FRAS1: variants seen among roughly 807,000 people sequenced by gnomAD.
FRAS1 encodes extracellular matrix organizing protein FRAS1.
A neutral mutation model predicts 435.2 loss-of-function variants in FRAS1; 290 were observed. The observed-to-expected ratio is 0.67, with a 90% confidence interval of 0.61 to 0.73. FRAS1 has a LOEUF of 0.73. Among genes scored for constraint, FRAS1 ranks in the 30% least tolerant of loss-of-function variants. The pLI, the probability that FRAS1 is intolerant of heterozygous loss-of-function variation, is 0.00. For synonymous variants in FRAS1, 1,800 were observed against 1,851.0 expected (o/e 0.97, Z 0.71); for missense variants, 4,860 against 5,001.5 (o/e 0.97, Z 0.85).
intron 2 of FRAS1, among the ~76,000 whole-genome samples, chr4:78,215,776 A>C (rs1489383667): frequency 6.6e-6 from 1 of 152,194 alleles, no homozygotes; most frequent in Middle Eastern, 3.2e-3. Flanking sequence ...TTTGGAGCAT[A>C]TATCAGAGTT....
rs376164491 is a variant in FRAS1, at chr4:78,361,915, G to A, written c.2423-1598G>A. On this transcript the variant is annotated intron_variant, in intron 20 of 73. Transcript: ENST00000512123. ...ATTTGAGGTGGGTAAATTGAGATTCGTGGGTTTTCTCCTGCCTTTGGGTTA... is the reference window on the plus strand; with the variant it reads ...ATTTGAGGTGGGTAAATTGAGATTCATGGGTTTTCTCCTGCCTTTGGGTTA... Among the ~76,000 whole-genome samples, 12 of 152,172 alleles carry A rather than the reference G, an allele frequency of 7.9e-5. No individual in the cohort carries two copies. The South Asian group carries it at 8.3e-4, about 11-fold the overall frequency.
chr4:78,468,383 C>G (rs980794762), intron 50 of FRAS1, among the ~76,000 whole-genome samples: 5 of 152,098 alleles, frequency 3.3e-5, no homozygotes, highest in African/African-American at 1.2e-4. Flanking sequence ...GCCTCGTTTT[C>G]CCTATCTGTA....
At chr4:78,497,422 G>A (rs1720538865) in intron 60 of FRAS1, among the ~76,000 whole-genome samples, 1 of 152,000 alleles carries the variant, frequency 6.6e-6, no homozygotes, top group Admixed American at 6.6e-5. Context: ...TCTATAGTCA[G>A]GTGTTAGCCA....
chr4:78,324,002 A>T (rs969024186), intron 18 of FRAS1, among the ~76,000 whole-genome samples: 1 of 152,160 alleles, frequency 6.6e-6, no homozygotes. Context: ...CTCCTAGGTG[A>T]GGCTGATGCT....
intron 7 of FRAS1, among the ~76,000 whole-genome samples, chr4:78,266,038 G>T (rs963582094): frequency 6.6e-6 from 1 of 152,192 alleles, no homozygotes; most frequent in Non-Finnish European, 1.5e-5. Context: ...TCTTTGAAGA[G>T]ACAGGCTTTA....
In FRAS1 at chr4:78,515,847, C is replaced by G; in HGVS notation, c.10223C>G (p.Pro3408Arg). ...DVVYDSTALGPGYDRPFQFDP... is the reference protein window; with the variant it reads ...DVVYDSTALGRGYDRPFQFDP... ...GTCTATGATAGCACTGCCCTGGGGC[C>G]TGGCTACGATCGCCCCTTCCAGTTT... is the stretch of plus-strand genomic sequence containing the variant. The change falls in exon 66 of 74, where the codon CCT becomes CGT. Residue 3408 changes from proline (P) to arginine (R), a missense_variant. By Grantham distance (103) the Pro-to-Arg change is moderately radical. Coordinates refer to ENST00000512123, the MANE Select transcript of FRAS1 (RefSeq NM_025074.7). The G allele has an allele frequency of 6.2e-7, 1 of 1,613,982 alleles. No homozygotes were observed. The highest frequency in any genetic ancestry group is 8.5e-7 in the Non-Finnish European group (1 of 1,179,882).
chr4:78,192,644 C>T (rs1246925264), intron 2 of FRAS1, among the ~76,000 whole-genome samples: 3 of 152,070 alleles, frequency 2.0e-5, no homozygotes, highest in Admixed American at 6.6e-5. Flanking sequence ...TTTAGTACGC[C>T]TATTTGATTC....
rs1263392791 is a variant in FRAS1, at chr4:78,108,798, A to T, written c.108+42782A>T. Among the ~76,000 whole-genome samples the T allele has an allele frequency of 5.0e-5, 6 of 119,134 alleles. 1 individual carries two copies. The highest frequency in any genetic ancestry group is 3.5e-5 in the Non-Finnish European group (2 of 57,866). The allele number at this position is 119,134 out of a possible 152,430, so 78.2% of individuals were successfully genotyped here. The stretch of plus-strand genomic sequence containing the variant: ...GACACAAAAAACCCTTCAAAAAATC[A>T]ATGAATCCAGGAGCTGGTTTTTTGA... On this transcript the variant is annotated intron_variant, in intron 2 of 73. Transcript: ENST00000512123.
At chr4:78,230,432 A>G (rs527915772) in intron 2 of FRAS1, among the ~76,000 whole-genome samples, 1 of 152,336 alleles carries the variant, frequency 6.6e-6, no homozygotes, top group African/African-American at 2.4e-5. Context: ...GGAGCTTTAC[A>G]TGAACTTTAA....
Position 78,267,416 on chromosome 4 carries a change from A to T in FRAS1, c.965A>T (p.Lys322Ile), listed in dbSNP as rs750372760. 1.2e-6 allele frequency: 2 copies of T among 1,613,734 alleles called. No individual in the cohort carries two copies. The highest frequency in any genetic ancestry group is 3.3e-5 in the Admixed American group (2 of 60,004). ...QVTCQTGECA[K>I]VECARDEELI... ...ACCTGCCAGACTGGAGAGTGTGCCA[A>T]AGTGGAGTGTGCCCGGGTAAGAAGC... The change falls in exon 9 of 74, where the codon AAA (lysine) becomes ATA (isoleucine). Residue 322 changes from lysine (K) to isoleucine (I), a missense_variant. Transcript: ENST00000512123.
At chr4:78,464,179 T>C in intron 48 of FRAS1, 34 bp downstream of exon 48, 1 of 1,585,850 alleles carries the variant, frequency 6.3e-7, no homozygotes, top group Non-Finnish European at 8.5e-7. Flanking sequence ...CCTTGAAAAG[T>C]ATTGATTCCT....
chr4:78,101,484 C>T (rs1742129727), intron 2 of FRAS1, among the ~76,000 whole-genome samples: 1 of 152,140 alleles, frequency 6.6e-6, no homozygotes, highest in Non-Finnish European at 1.5e-5. Flanking sequence ...TGGTTTCCTT[C>T]TCCCACCTGC....
chr4:78,113,219 G>T (rs1235408662), intron 2 of FRAS1, among the ~76,000 whole-genome samples: 1 of 152,090 alleles, frequency 6.6e-6, no homozygotes, highest in Non-Finnish European at 1.5e-5. Context: ...TCTTAATCCA[G>T]TCTATCATTG....
rs1489654852 is a variant in FRAS1 at position 78,286,411 on chromosome 4, A to G, written c.1406A>G (p.Gln469Arg). 4.3e-6 allele frequency: 7 copies of G among 1,613,440 alleles called. No homozygotes were observed. The African/African-American group carries it at 5.3e-5, about 12-fold the overall frequency. ...YQAGSLCLAC[Q>R]PQCSTCTSGL... is the part of the protein sequence containing the mutation. ...CAACATTATCTGGAGTCAGCCTGCC[A>G]GCCCCAGTGCTCCACGTGTACCAGT... The change falls in exon 14 of 74, where the codon CAG becomes CGG. Residue 469 changes from glutamine to arginine, a missense_variant. By Grantham distance (43) the Gln-to-Arg change is conservative. Coordinates refer to ENST00000512123, the MANE Select transcript of FRAS1 (RefSeq NM_025074.7).
rs1720880180 is a variant in FRAS1 at position 78,507,512 on chromosome 4, C to A, written c.9408C>A (p.Asp3136Glu). The change falls in exon 62 of 74, where the codon GAC becomes GAA. Residue 3136 changes from aspartate (D) to glutamate (E), a missense_variant. Physicochemically the swap from Asp to Glu is conservative, Grantham distance 45. Coordinates refer to ENST00000512123, the MANE Select transcript of FRAS1 (RefSeq NM_025074.7). Reference protein sequence around the residue: ...ESFSLVLGPDDPVEAVLGDVT... With the variant: ...ESFSLVLGPDEPVEAVLGDVT... ...TCTCACTAGTCCTTGGCCCAGATGA[C>A]CCAGTGGAAGCAGTTCTTGGGGATG... The A allele has an allele frequency of 2.5e-6, 4 of 1,612,268 alleles. No individual in the cohort carries two copies. Among genetic ancestry groups the A allele is most frequent in the Non-Finnish European group, 3.4e-6 (4 of 1,179,202 alleles).
chr4:78,257,037 C>G (rs1725829242), intron 6 of FRAS1, among the ~76,000 whole-genome samples: 1 of 152,108 alleles, frequency 6.6e-6, no homozygotes, highest in African/African-American at 2.4e-5. Context: ...CCATCACTAC[C>G]ACCATTTTGG....
At chr4:78,334,713 A>G (rs1042623380) in intron 19 of FRAS1, among the ~76,000 whole-genome samples, 1 of 152,076 alleles carries the variant, frequency 6.6e-6, no homozygotes, top group African/African-American at 2.4e-5. Flanking sequence ...ATGTACAGAT[A>G]CGTGTGTGTA....
At position 78,439,073 on chromosome 4, in the gene FRAS1, T is replaced by C; in HGVS notation, c.5529+9T>C. The C allele has an allele frequency of 6.2e-7, 1 of 1,608,316 alleles. No homozygotes were observed. Among genetic ancestry groups the C allele is most frequent in the Non-Finnish European group, 8.5e-7 (1 of 1,176,000 alleles). ...TTGCTGACCTTATCACGGTAAACAA[T>C]TCTCAGATCAATAAACAGTGAGTAC... On this transcript the variant is annotated intron_variant, in intron 40 of 73. Transcript: ENST00000512123.
In FRAS1 at chr4:78,542,521, G is replaced by A. The variant is rs1400057451; in HGVS notation, c.*1397G>A. ...ATGCATGGCACACCATAGTCACCAA[G>A]CAAATAACAGAGCCTTCACATTGTG... is the stretch of plus-strand genomic sequence containing the variant. On this transcript the variant is annotated 3_prime_UTR_variant, in exon 74 of 74. Transcript: ENST00000512123. The A allele has an allele frequency of 1.3e-5, 2 of 152,628 alleles. No homozygotes were observed. Among genetic ancestry groups the A allele is most frequent in the African/African-American group, 4.8e-5 (2 of 41,446 alleles). The allele number at this position is 152,628 out of a possible 1,614,324, so 9.5% of individuals were successfully genotyped here.
Sources: allele counts gnomAD v4.1 joint callset (sites outside exome capture counted in the v4.1 genomes callset), GRCh38; gene constraint gnomAD v4.1.1; transcripts MANE v1.5; gene names NCBI Gene and HGNC (gene_info 2026-07-23, HGNC 2026-07-21).